Variants in EHMT1 observed in about 807,000 individuals in gnomAD.
EHMT1 encodes histone-lysine N-methyltransferase EHMT1.
EHMT1 carries 15 observed loss-of-function variants against 147.2 expected under a neutral mutation model. That is an observed-to-expected ratio of 0.10 (90% confidence interval 0.07 to 0.16). The LOEUF is 0.16. Among genes scored for constraint, EHMT1 ranks in the 10% least tolerant of loss-of-function variants. The pLI, the probability that EHMT1 is intolerant of heterozygous loss-of-function variation, is 1.00. For synonymous variants in EHMT1, 795 were observed against 709.6 expected (o/e 1.12, Z -1.91); for missense variants, 1,587 against 1,772.4 (o/e 0.90, Z 1.88).
chr9:137,756,082 T>TG (rs762850416), intron 8 of EHMT1, among the ~76,000 whole-genome samples: 4 of 152,332 alleles, frequency 2.6e-5, no homozygotes, highest in Admixed American at 2.0e-4. Flanking sequence ...TTATTTTACT[T>TG]GGGGGGTTCA....
chr9:137,624,262 A>G (rs1357970584), intron 1 of EHMT1, among the ~76,000 whole-genome samples: 1 of 150,482 alleles, frequency 6.6e-6, no homozygotes, highest in African/African-American at 2.4e-5. Flanking sequence ...CAGCCTTTCA[A>G]AGTGCTAGGA....
chr9:137,809,059 C>G (rs1954188535), intron 18 of EHMT1, among the ~76,000 whole-genome samples: 1 of 152,188 alleles, frequency 6.6e-6, no homozygotes, highest in African/African-American at 2.4e-5. Context: ...AAGCCAGAAA[C>G]AAAGAGCAGA....
chr9:137,685,553 C>T (rs1308174132), intron 1 of EHMT1, among the ~76,000 whole-genome samples: 1 of 152,184 alleles, frequency 6.6e-6, no homozygotes, highest in African/African-American at 2.4e-5. Flanking sequence ...ATGCGAGTAT[C>T]TGTTTTCAGT....
Position 137,806,665 on chromosome 9 carries a change from C to A in EHMT1, c.2713-4796C>A, listed in dbSNP as rs866332813. ...GGCCAGGCTGGTCTCAAACTCCTGA[C>A]CTCATGATCCGCCCGCCTCGGACTC... On this transcript the variant is annotated intron_variant, in intron 18 of 26. Coordinates refer to ENST00000460843, the MANE Select transcript of EHMT1 (RefSeq NM_024757.5). Among the ~76,000 whole-genome samples the A allele has an allele frequency of 3.3e-5, 5 of 152,336 alleles. No individual in the cohort carries two copies. The South Asian group carries it at 1.0e-3, about 32-fold the overall frequency.
chr9:137,814,285 C>T (rs1245253585), intron 21 of EHMT1, 146 bp from the exon 22 acceptor site: 14 of 842,978 alleles, frequency 1.7e-5, no homozygotes, highest in Non-Finnish European at 2.2e-5. Context: ...CAGCCTTCTC[C>T]CTAAGAGGCC....
chr9:137,676,880 T>G (rs2134422823), intron 1 of EHMT1, among the ~76,000 whole-genome samples: 1 of 148,350 alleles, frequency 6.7e-6, no homozygotes, highest in Admixed American at 6.9e-5. Flanking sequence ...CATCCCGCTT[T>G]GCTGAGAATT....
At chr9:137,766,596 C>A (rs1323931296) in intron 10 of EHMT1, among the ~76,000 whole-genome samples, 1 of 152,226 alleles carries the variant, frequency 6.6e-6, no homozygotes, top group Non-Finnish European at 1.5e-5. Context: ...GCCTGGGCGA[C>A]AGAGTGAGAC....
At chr9:137,642,026 G>T (rs905707796) in intron 1 of EHMT1, among the ~76,000 whole-genome samples, 1 of 151,760 alleles carries the variant, frequency 6.6e-6, no homozygotes, top group Admixed American at 6.6e-5. Context: ...TTTTAGTAGA[G>T]ACGGAGTTTC....
intron 25 of EHMT1, among the ~76,000 whole-genome samples, chr9:137,833,880 C>T (rs1956402211): frequency 6.6e-6 from 1 of 152,242 alleles, no homozygotes; most frequent in African/African-American, 2.4e-5. Context: ...CCTCTGGGGA[C>T]TGCTCCGCCT....
At chr9:137,721,719 A>G (rs1392991939) in intron 3 of EHMT1, among the ~76,000 whole-genome samples, 1 of 151,822 alleles carries the variant, frequency 6.6e-6, no homozygotes, top group Non-Finnish European at 1.5e-5. Flanking sequence ...CTTTGGTGAA[A>G]TGTCTTTCAG....
At chr9:137,798,459 G>A (rs1476471188) in intron 16 of EHMT1, among the ~76,000 whole-genome samples, 1 of 152,186 alleles carries the variant, frequency 6.6e-6, no homozygotes. Context: ...GAAGCAAGAG[G>A]AGGGCAGAGT....
intron 1 of EHMT1, among the ~76,000 whole-genome samples, chr9:137,639,921 T>G (rs1194036923): frequency 6.6e-6 from 1 of 152,198 alleles, no homozygotes; most frequent in East Asian, 1.9e-4. Context: ...AGACCCACCC[T>G]TTGCTGGCCT....
chr9:137,774,524 G>A (rs1950808752), intron 10 of EHMT1, among the ~76,000 whole-genome samples: 2 of 129,360 alleles, frequency 1.5e-5, no homozygotes, highest in Non-Finnish European at 3.3e-5. Context: ...TGGATCTGGT[G>A]GATGTGGTCG....
chr9:137,805,059 G>A (rs1012016742), intron 18 of EHMT1, among the ~76,000 whole-genome samples: 2 of 151,922 alleles, frequency 1.3e-5, no homozygotes, highest in Non-Finnish European at 2.9e-5. Flanking sequence ...ACATGTGTCA[G>A]TCCACATGTC....
chr9:137,811,446 C>T lies in EHMT1; in HGVS notation c.2713-15C>T. ...GCAGGAAGCCTGCACTGAGCTCTGG[C>T]TTGTGTCTGTTCAGGAGGAGAACAT... On this transcript the variant is annotated splice_polypyrimidine_tract_variant and intron_variant, in intron 18 of 26. Transcript: ENST00000460843. 1 of 1,612,042 alleles carries T rather than the reference C, an allele frequency of 6.2e-7. No homozygotes were observed. The highest frequency in any genetic ancestry group is 8.5e-7 in the Non-Finnish European group (1 of 1,179,992).
At chr9:137,691,624 T>G (rs533891785) in intron 1 of EHMT1, among the ~76,000 whole-genome samples, 9 of 152,316 alleles carry the variant, frequency 5.9e-5, no homozygotes, top group African/African-American at 2.2e-4. Flanking sequence ...GAGACCCTGC[T>G]TTCAATTGCT....
intron 5 of EHMT1, 73 bp downstream of exon 5, chr9:137,743,601 G>A: frequency 6.2e-7 from 1 of 1,606,390 alleles, no homozygotes; most frequent in Non-Finnish European, 8.5e-7. Flanking sequence ...CTCGTTATCA[G>A]TAATTTGGGT....
chr9:137,787,989 C>T lies in EHMT1; in HGVS notation c.2383-2859C>T. The T allele has an allele frequency of 1.4e-6, 2 of 1,473,040 alleles. No individual in the cohort carries two copies. Among genetic ancestry groups the T allele is most frequent in the Admixed American group, 1.7e-5 (1 of 57,386 alleles). 91.2% of individuals were successfully genotyped at this position (1,473,040 alleles called of 1,614,324 possible). On this transcript the variant is annotated intron_variant, in intron 15 of 26. Transcript: ENST00000460843. This position sits in a 1 kb window ranked among gnomAD's most constrained non-coding sequence, Gnocchi z 4.2. ...GGACAGCCCCCCAGGAACTGAGGTG[C>T]CCTGCAGTAAGTGGAGAGGCCAGGC... is the stretch of plus-strand genomic sequence containing the variant.
intron 4 of EHMT1, among the ~76,000 whole-genome samples, chr9:137,729,526 G>T (rs1946917516): frequency 6.6e-6 from 1 of 151,924 alleles, no homozygotes. Context: ...GGCGGAGGTT[G>T]CTGTGAGCCA....
Sources: gnomAD v4.1 joint callset for allele counts (sites outside exome capture counted in the v4.1 genomes callset) on GRCh38, gnomAD v4.1.1 for gene constraint, Gnocchi (gnomAD v3.1) non-coding constraint, MANE v1.5 for transcripts, NCBI Gene and HGNC (gene_info 2026-07-23, HGNC 2026-07-21) for gene names.